The following MTUS2 variants were observed in gnomAD, a reference collection of about 807,000 sequenced individuals.
The protein encoded by MTUS2 is microtubule associated scaffold protein 2.
Under a neutral mutation model 114.1 loss-of-function variants are expected in MTUS2, and 40 were observed. The ratio of observed to expected loss-of-function variants is 0.35; its 90% CI spans 0.27 to 0.46. The LOEUF (loss-of-function observed/expected upper bound fraction) is 0.46, where lower values mean the gene tolerates loss of function less well. Among genes scored for constraint, MTUS2 ranks in the 20% least tolerant of loss-of-function variants. The probability of loss-of-function intolerance (pLI) is 1.00; values close to 1 mark genes in which losing one functional copy is unlikely to be tolerated. For synonymous variants in MTUS2, 688 were observed against 672.0 expected, an observed-to-expected ratio of 1.02 and a Z score of -0.37; for missense variants, 1,679 against 1,705.4, an observed-to-expected ratio of 0.98 and a Z score of 0.27.
chr13:29,474,067 G>C lies in MTUS2; in HGVS notation c.3185-6083G>C, dbSNP rs138906926. Among the ~76,000 whole-genome samples, 8 of 152,256 alleles carry C rather than the reference G, an allele frequency of 5.3e-5. No homozygotes were observed. In the East Asian group the frequency reaches 1.5e-3, roughly 29 times the overall value. ...CTCTTATTATCCAATATTTTCTACA[G>C]GCCTAGGGCTTACAACAGAGAGCCA... On this transcript the variant is annotated intron_variant, in intron 9 of 15. Transcript: ENST00000612955.
chr13:28,844,759 G>A (rs1314068126), intron 2 of MTUS2, among the ~76,000 whole-genome samples: 1 of 152,066 alleles, frequency 6.6e-6, no homozygotes, highest in Admixed American at 6.5e-5. Flanking sequence ...AGGGACTACA[G>A]GCGCACGCCA....
At chr13:29,458,078 A>G (rs752858365) in intron 9 of MTUS2, among the ~76,000 whole-genome samples, 1 of 152,096 alleles carries the variant, frequency 6.6e-6, no homozygotes, top group Non-Finnish European at 1.5e-5. Context: ...ACAACTGGCT[A>G]TCTGTGTATC....
intron 2 of MTUS2, among the ~76,000 whole-genome samples, chr13:28,973,820 A>G (rs893467898): frequency 6.6e-6 from 1 of 152,202 alleles, no homozygotes; most frequent in African/African-American, 2.4e-5. Context: ...GGCGAGAAAT[A>G]GCTAATATTT....
chr13:29,064,607 A>T (rs1236114971), intron 4 of MTUS2, among the ~76,000 whole-genome samples: 2 of 152,028 alleles, frequency 1.3e-5, no homozygotes, highest in Non-Finnish European at 2.9e-5. Context: ...AATGCTATAT[A>T]TTGCTTTTGT....
At chr13:28,969,551 G>A (rs1883758053) in intron 2 of MTUS2, among the ~76,000 whole-genome samples, 1 of 151,742 alleles carries the variant, frequency 6.6e-6, no homozygotes, top group Admixed American at 6.6e-5. Flanking sequence ...CACCCAGGCT[G>A]GAGTGCAGTG....
chr13:29,368,300 A>AGG (rs1870911421), intron 8 of MTUS2, among the ~76,000 whole-genome samples: 1 of 151,872 alleles, frequency 6.6e-6, no homozygotes, highest in Non-Finnish European at 1.5e-5. Context: ...GGTGGGACAC[A>AGG]GTACCCTGTG....
chr13:29,145,894 A>G (rs1892414546), intron 5 of MTUS2, among the ~76,000 whole-genome samples: 2 of 152,230 alleles, frequency 1.3e-5, no homozygotes, highest in Admixed American at 6.5e-5. Context: ...ATGGAAGCAC[A>G]TAAAACACAC....
At chr13:29,281,571 A>C in intron 5 of MTUS2, 133 bp from the exon 6 acceptor site, 1 of 948,490 alleles carries the variant, frequency 1.1e-6, no homozygotes, top group Non-Finnish European at 1.6e-6. Context: ...AATACTTTTC[A>C]AGGTCACTCA....
At chr13:29,087,316 T>C (rs9551600) in intron 4 of MTUS2, among the ~76,000 whole-genome samples, 40,571 of 152,136 alleles carry the variant, frequency 0.27, 5,805 homozygotes, top group East Asian at 0.6. Context: ...CATGAAAGGA[T>C]GTTGAATTTT....
chr13:29,391,369 A>G (rs1873444312), intron 8 of MTUS2, among the ~76,000 whole-genome samples: 1 of 152,236 alleles, frequency 6.6e-6, no homozygotes, highest in African/African-American at 2.4e-5. Context: ...CTTCAGGCTC[A>G]GTGGACCCCT....
intron 2 of MTUS2, among the ~76,000 whole-genome samples, chr13:28,996,079 C>T (rs1885088998): frequency 6.6e-6 from 1 of 152,152 alleles, no homozygotes; most frequent in African/African-American, 2.4e-5. Flanking sequence ...CCATCAATAA[C>T]CTCATTTATT....
intron 4 of MTUS2, among the ~76,000 whole-genome samples, chr13:29,054,525 G>A (rs1565982178): frequency 6.6e-6 from 1 of 152,048 alleles, no homozygotes; most frequent in East Asian, 1.9e-4. Context: ...GGAGAGACAG[G>A]GGGAGTTGTG....
At chr13:28,912,937 G>A (rs1395650888) in intron 2 of MTUS2, among the ~76,000 whole-genome samples, 3 of 151,864 alleles carry the variant, frequency 2.0e-5, no homozygotes, top group Non-Finnish European at 4.4e-5. Context: ...GCTAAATGAC[G>A]AGTTAATGGG....
intron 3 of MTUS2, among the ~76,000 whole-genome samples, chr13:29,030,635 T>C (rs528045918): frequency 6.6e-6 from 1 of 152,178 alleles, no homozygotes; most frequent in Admixed American, 6.5e-5. Context: ...TGCCCCAAGC[T>C]CATCATGGGG....
chr13:29,241,529 C>T (rs1896732658), intron 5 of MTUS2, among the ~76,000 whole-genome samples: 1 of 152,130 alleles, frequency 6.6e-6, no homozygotes, highest in Non-Finnish European at 1.5e-5. Flanking sequence ...TTTTTCAGAG[C>T]GGCCGCCCTC....
intron 7 of MTUS2, among the ~76,000 whole-genome samples, chr13:29,325,090 A>G (rs983056891): frequency 1.3e-5 from 2 of 152,236 alleles, no homozygotes; most frequent in African/African-American, 4.8e-5. Flanking sequence ...TCTGTCAGCA[A>G]GGAAACCATT....
chr13:29,171,215 G>A (rs1385540472), intron 5 of MTUS2, among the ~76,000 whole-genome samples: 1 of 152,002 alleles, frequency 6.6e-6, no homozygotes, highest in Non-Finnish European at 1.5e-5. Context: ...GTTAATGTAG[G>A]GCTAACAAGA....
chr13:29,339,395 C>T (rs990736950), intron 7 of MTUS2, among the ~76,000 whole-genome samples: 6 of 152,174 alleles, frequency 3.9e-5, no homozygotes, highest in Non-Finnish European at 5.9e-5. Context: ...CTGCTTGCTA[C>T]GCTTGGTGTC....
At chr13:28,962,300 T>C (rs1038502311) in intron 2 of MTUS2, among the ~76,000 whole-genome samples, 1 of 152,066 alleles carries the variant, frequency 6.6e-6, no homozygotes, top group Non-Finnish European at 1.5e-5. Context: ...CTCTCCCCTC[T>C]CCCACACTGT....
Sources: gnomAD v4.1 joint callset for allele counts (sites outside exome capture counted in the v4.1 genomes callset) on GRCh38, gnomAD v4.1.1 for gene constraint, MANE v1.5 for transcripts, NCBI Gene and HGNC (gene_info 2026-07-23, HGNC 2026-07-21) for gene names.